The following ZNF608 variants were observed in gnomAD, a reference collection of about 807,000 sequenced individuals.
ZNF608 encodes zinc finger protein 608.
In ZNF608, 12 loss-of-function variants were observed where a neutral mutation model predicts 109.0. The ratio of observed to expected loss-of-function variants is 0.11; its 90% CI spans 0.07 to 0.18. The LOEUF is 0.18. Ranked by LOEUF, ZNF608 falls within the 10% of genes least tolerant of loss-of-function variation. The pLI is 1.00. For synonymous variants in ZNF608, 732 were observed against 717.4 expected, an observed-to-expected ratio of 1.02 and a Z score of -0.33; for missense variants, 1,707 against 1,879.3, an observed-to-expected ratio of 0.91 and a Z score of 1.70.
At chr5:124,689,513 A>G (rs1474090948) in intron 3 of ZNF608, among the ~76,000 whole-genome samples, 4 of 151,918 alleles carry the variant, frequency 2.6e-5, no homozygotes, top group Non-Finnish European at 4.4e-5. Context: ...CTGAAGAACT[A>G]GTTTCCAAAA....
In ZNF608 at chr5:124,746,415, AT is replaced by A. The variant is rs1179902918; in HGVS notation, c.-405del. ...ATCAGTCCTTTTCTCCTTAAAAAAA[AT>A]GTGTCACTGTACAGCTGGAAAATAA... On this transcript the variant is annotated 5_prime_UTR_variant, in exon 1 of 10. Transcript: ENST00000513986. The A allele has an allele frequency of 3.0e-6, 3 of 985,336 alleles. 1 individual carries two copies. The African/African-American group carries it at 5.2e-5, about 17-fold the overall frequency. The allele number at this position is 985,336 out of a possible 1,614,324, so 61.0% of individuals were successfully genotyped here.
At chr5:124,664,985 T>C (rs13160860) in intron 3 of ZNF608, among the ~76,000 whole-genome samples, 20,231 of 151,884 alleles carry the variant, frequency 0.13, 1,406 homozygotes, top group East Asian at 0.22. Flanking sequence ...ACCAGCCTGG[T>C]CAACATAGTG....
At chr5:124,700,934 C>A in intron 3 of ZNF608, 80 bp downstream of exon 3, 1 of 1,560,122 alleles carries the variant, frequency 6.4e-7, no homozygotes, top group South Asian at 1.2e-5. Flanking sequence ...TACCGCAAAA[C>A]AAATTCTCCT....
intron 3 of ZNF608, among the ~76,000 whole-genome samples, chr5:124,671,657 T>C (rs1751727712): frequency 6.6e-6 from 1 of 151,368 alleles, no homozygotes; most frequent in Non-Finnish European, 1.5e-5. Flanking sequence ...TTTTTTTTTT[T>C]TTTGAGACAG....
At chr5:124,745,582 A>G (rs894559118) in intron 1 of ZNF608, among the ~76,000 whole-genome samples, 1 of 152,244 alleles carries the variant, frequency 6.6e-6, no homozygotes, top group Admixed American at 6.5e-5. Flanking sequence ...AGCTTTAAAC[A>G]TCCCTAAACA....
chr5:124,696,004 A>C lies in ZNF608; in HGVS notation c.1162+5010T>G, dbSNP rs574923642. On this transcript the variant is annotated intron_variant, in intron 3 of 9. Coordinates refer to ENST00000513986, the MANE Select transcript of ZNF608 (RefSeq NM_020747.3). Reference sequence around the variant, plus strand: ...TTCGAGACCAGCCTGACCAACATGGAGAAACCCCGTCTCTACTAAAAATAC... The same window carrying C: ...TTCGAGACCAGCCTGACCAACATGGCGAAACCCCGTCTCTACTAAAAATAC... 6.4e-4 allele frequency among the ~76,000 whole-genome samples: 98 copies of C among 152,086 alleles called. 1 individual carries two copies. The highest frequency in any genetic ancestry group is 2.3e-3 in the African/African-American group (96 of 41,528).
At chr5:124,735,520 G>A (rs984728624) in intron 2 of ZNF608, among the ~76,000 whole-genome samples, 2 of 152,224 alleles carry the variant, frequency 1.3e-5, no homozygotes, top group African/African-American at 4.8e-5. Flanking sequence ...TGATAAGATA[G>A]AAAACCTGCA....
intron 2 of ZNF608, among the ~76,000 whole-genome samples, chr5:124,715,078 C>T (rs964559751): frequency 3.3e-5 from 5 of 152,142 alleles, no homozygotes; most frequent in African/African-American, 1.2e-4. Flanking sequence ...CATAGGGGTA[C>T]TTCAAGAATC....
Position 124,736,336 on chromosome 5 carries a change from T to C in ZNF608, c.906+7748A>G, listed in dbSNP as rs1239148931. ...AATGAAAACCCAAGGCTTCAACCCT[T>C]CCAGTTCAAACATTTTTGTTGTTTT... On this transcript the variant is annotated intron_variant, in intron 2 of 9. Transcript: ENST00000513986. Among the ~76,000 whole-genome samples, 4 of 152,280 alleles carry C rather than the reference T, an allele frequency of 2.6e-5. No individual in the cohort carries two copies. In the East Asian group the frequency reaches 7.7e-4, roughly 29 times the overall value.
chr5:124,678,800 G>T (rs1198321340), intron 3 of ZNF608, among the ~76,000 whole-genome samples: 6 of 152,154 alleles, frequency 3.9e-5, no homozygotes, highest in African/African-American at 9.7e-5. Context: ...CTTCCTGTGG[G>T]CTGTTCTGTG....
At chr5:124,686,125 G>A (rs1752400166) in intron 3 of ZNF608, among the ~76,000 whole-genome samples, 1 of 152,140 alleles carries the variant, frequency 6.6e-6, no homozygotes, top group African/African-American at 2.4e-5. Flanking sequence ...CTAGTAACTG[G>A]GAAATTTAAG....
chr5:124,655,695 A>G (rs989990654), intron 3 of ZNF608, among the ~76,000 whole-genome samples: 2 of 152,212 alleles, frequency 1.3e-5, no homozygotes, highest in Admixed American at 1.3e-4. Flanking sequence ...ACACAACGTG[A>G]CTATTGTGCA....
intron 2 of ZNF608, among the ~76,000 whole-genome samples, chr5:124,705,978 A>C (rs1326093907): frequency 6.6e-6 from 1 of 152,250 alleles, no homozygotes; most frequent in African/African-American, 2.4e-5. Context: ...AGAGTGGCCC[A>C]AACAGACCAG....
intron 2 of ZNF608, among the ~76,000 whole-genome samples, chr5:124,738,046 C>T (rs747357701): frequency 3.1e-4 from 47 of 152,174 alleles, no homozygotes; most frequent in African/African-American, 7.2e-4. Flanking sequence ...AAAACCCATA[C>T]TAACTAAATA....
At chr5:124,709,753 A>C (rs929877421) in intron 2 of ZNF608, among the ~76,000 whole-genome samples, 1 of 152,228 alleles carries the variant, frequency 6.6e-6, no homozygotes, top group Non-Finnish European at 1.5e-5. Flanking sequence ...CTTGTTCATA[A>C]GAGTTCTCTG....
chr5:124,640,477 G>A (rs1272950575), intron 8 of ZNF608, among the ~76,000 whole-genome samples: 1 of 151,826 alleles, frequency 6.6e-6, no homozygotes, highest in African/African-American at 2.4e-5. Flanking sequence ...CTGCACACAA[G>A]CCAGGAAGAG....
At chr5:124,697,408 A>G (rs770579810) in intron 3 of ZNF608, among the ~76,000 whole-genome samples, 17 of 152,140 alleles carry the variant, frequency 1.1e-4, no homozygotes, top group African/African-American at 4.1e-4. Flanking sequence ...ACAAATGACT[A>G]TACAGAGGCA....
chr5:124,705,765 A>G (rs1048663060), intron 2 of ZNF608, among the ~76,000 whole-genome samples: 2 of 152,138 alleles, frequency 1.3e-5, no homozygotes, highest in South Asian at 4.1e-4. Flanking sequence ...CCATTTTACA[A>G]TTTTATGGCA....
chr5:124,693,777 A>G (rs987371334), intron 3 of ZNF608, among the ~76,000 whole-genome samples: 1 of 152,058 alleles, frequency 6.6e-6, no homozygotes, highest in Non-Finnish European at 1.5e-5. Flanking sequence ...GCATTCCCTC[A>G]TCGGGAAAGC....
Sources: gnomAD v4.1 joint callset for allele counts (sites outside exome capture counted in the v4.1 genomes callset) on GRCh38, gnomAD v4.1.1 for gene constraint, MANE v1.5 for transcripts, NCBI Gene and HGNC (gene_info 2026-07-23, HGNC 2026-07-21) for gene names.